The following ENOX1 variants were observed in gnomAD, a reference collection of about 807,000 sequenced individuals.
ENOX1 encodes the protein candidate growth-related and time keeping constitutive hydroquinone (NADH) oxidase.
ENOX1 carries 42 observed loss-of-function variants against 82.5 expected under a neutral mutation model. That is an observed-to-expected ratio of 0.51 (90% CI 0.40 to 0.66). The LOEUF (loss-of-function observed/expected upper bound fraction) is 0.66, where lower values mean the gene tolerates loss of function less well. Among genes scored for constraint, ENOX1 ranks in the 30% least tolerant of loss-of-function variants. ENOX1 has a pLI of 0.00. For missense variants in ENOX1, 608 were observed against 811.6 expected (o/e 0.75, Z 3.05); for synonymous variants, 271 against 282.2 (o/e 0.96, Z 0.40).
intron 2 of ENOX1, among the ~76,000 whole-genome samples, chr13:43,526,880 G>T (rs773500600): frequency 6.6e-6 from 1 of 152,086 alleles, no homozygotes; most frequent in Non-Finnish European, 1.5e-5. Context: ...TGTTCCTCAT[G>T]AATGGGATTA....
intron 12 of ENOX1, among the ~76,000 whole-genome samples, chr13:43,279,630 G>A (rs148730515): frequency 2.4e-4 from 37 of 152,266 alleles, no homozygotes; most frequent in African/African-American, 8.9e-4. Flanking sequence ...CTTACCAGTG[G>A]GATATTGTAT....
chr13:43,322,561 T>C, intron 10 of ENOX1, 60 bp from the exon 11 acceptor site: 2 of 1,360,368 alleles, frequency 1.5e-6, no homozygotes, highest in Middle Eastern at 3.6e-4. Flanking sequence ...TCCCCAATGG[T>C]CTTTGGGTAT....
chr13:43,735,668 C>G (rs941383297), intron 1 of ENOX1, among the ~76,000 whole-genome samples: 1 of 152,010 alleles, frequency 6.6e-6, no homozygotes, highest in Non-Finnish European at 1.5e-5. Context: ...TTGCAGTGAG[C>G]TGAGATCACA....
At chr13:43,413,193 T>C (rs2296042) in intron 3 of ENOX1, among the ~76,000 whole-genome samples, 78,640 of 151,966 alleles carry the variant, frequency 0.52, 25,422 homozygotes, top group Non-Finnish European at 0.73. Flanking sequence ...GTGGGTCAAC[T>C]CATCGACTCA....
At chr13:43,232,947 TA>T (rs988371604) in intron 15 of ENOX1, among the ~76,000 whole-genome samples, 2 of 152,010 alleles carry the variant, frequency 1.3e-5, no homozygotes, top group Non-Finnish European at 2.9e-5. Context: ...AGCTTGTCAA[TA>T]AAAAAAATTT....
intron 5 of ENOX1, among the ~76,000 whole-genome samples, chr13:43,403,839 C>CAAAA (rs59860320): frequency 7.3e-4 from 104 of 143,322 alleles, no homozygotes; most frequent in African/African-American, 2.6e-3. Context: ...AATCTTGTCT[C>CAAAA]AAAAAAAAAA....
At chr13:43,650,526 T>C (rs979261741) in intron 2 of ENOX1, among the ~76,000 whole-genome samples, 2 of 152,110 alleles carry the variant, frequency 1.3e-5, no homozygotes, top group Non-Finnish European at 2.9e-5. Context: ...CTAGAACCAC[T>C]GCCCCTGGGA....
At chr13:43,763,223 AATCTATTTCTCACAG>A (rs1428803617) in intron 1 of ENOX1, among the ~76,000 whole-genome samples, 1 of 152,150 alleles carries the variant, frequency 6.6e-6, no homozygotes, top group Non-Finnish European at 1.5e-5. Flanking sequence ...AAACAATAGA[AATCTATTTCTCACAG>A]TTCTGGAGGC....
At chr13:43,297,991 G>A (rs1378583394) in intron 12 of ENOX1, among the ~76,000 whole-genome samples, 1 of 152,204 alleles carries the variant, frequency 6.6e-6, no homozygotes, top group Admixed American at 6.5e-5. Context: ...ATCAGTTGTC[G>A]TGCTTTGAAG....
chr13:43,551,154 T>G (rs767419581), intron 2 of ENOX1, among the ~76,000 whole-genome samples: 7 of 152,230 alleles, frequency 4.6e-5, no homozygotes, highest in Non-Finnish European at 1.0e-4. Flanking sequence ...TTTCAAGATA[T>G]GCTTTCTCAA....
At chr13:43,322,302 T>C (rs1374307652) in intron 11 of ENOX1, 82 bp downstream of exon 11, 1 of 1,023,380 alleles carries the variant, frequency 9.8e-7, no homozygotes. Flanking sequence ...AAGTGAGTTA[T>C]AGGGCCATTT....
intron 2 of ENOX1, among the ~76,000 whole-genome samples, chr13:43,590,076 A>C (rs569296440): frequency 6.6e-6 from 1 of 152,304 alleles, no homozygotes; most frequent in East Asian, 1.9e-4. Flanking sequence ...TAGAACAGAA[A>C]ATCGTTATGC....
chr13:43,764,365 C>T (rs190487694), intron 1 of ENOX1, among the ~76,000 whole-genome samples: 9 of 152,176 alleles, frequency 5.9e-5, no homozygotes, highest in Non-Finnish European at 1.2e-4. Context: ...CACAATGAAA[C>T]ATCCTCACAA....
At chr13:43,714,856 C>T (rs2088002755) in intron 1 of ENOX1, among the ~76,000 whole-genome samples, 4 of 152,158 alleles carry the variant, frequency 2.6e-5, no homozygotes, top group Admixed American at 2.6e-4. Context: ...TGGGTCTTGA[C>T]TCTATCCAAT....
intron 12 of ENOX1, among the ~76,000 whole-genome samples, chr13:43,279,757 G>A (rs1056089322): frequency 6.6e-6 from 1 of 152,192 alleles, no homozygotes; most frequent in African/African-American, 2.4e-5. Flanking sequence ...TAAGTCCCAC[G>A]AGGTGAAGTG....
chr13:43,334,820 T>C (rs763255177), intron 9 of ENOX1, among the ~76,000 whole-genome samples: 3 of 152,142 alleles, frequency 2.0e-5, no homozygotes, highest in Non-Finnish European at 4.4e-5. Flanking sequence ...ATCCAGTCTG[T>C]CCTACTTTTT....
At chr13:43,401,718 G>T (rs2053507348) in intron 5 of ENOX1, among the ~76,000 whole-genome samples, 1 of 152,170 alleles carries the variant, frequency 6.6e-6, no homozygotes, top group African/African-American at 2.4e-5. Context: ...AAGTTCTCGA[G>T]ATCCAGAGAG....
chr13:43,447,483 G>A (rs1262306936), intron 3 of ENOX1, among the ~76,000 whole-genome samples: 1 of 152,036 alleles, frequency 6.6e-6, no homozygotes, highest in East Asian at 1.9e-4. Context: ...CACAATAGGA[G>A]AGGGGTAGGA....
intron 2 of ENOX1, among the ~76,000 whole-genome samples, chr13:43,646,228 G>A (rs1428267235): frequency 1.3e-5 from 2 of 152,200 alleles, no homozygotes; most frequent in Non-Finnish European, 1.5e-5. Flanking sequence ...TCTGATCCAG[G>A]AGTTTCGTGT....
Sources: gnomAD v4.1 joint callset for allele counts (sites outside exome capture counted in the v4.1 genomes callset) on GRCh38, gnomAD v4.1.1 for gene constraint, MANE v1.5 for transcripts, NCBI Gene and HGNC (gene_info 2026-07-23, HGNC 2026-07-21) for gene names.